Variants in ZNF254 observed in about 807,000 individuals in gnomAD.
The protein encoded by ZNF254 is zinc finger protein 254, also known as CTD-2017D11.1.
A neutral mutation model predicts 12.4 loss-of-function variants in ZNF254; 10 were observed. The observed-to-expected ratio is 0.80, with a 90% confidence interval of 0.50 to 1.36. The LOEUF (loss-of-function observed/expected upper bound fraction) is 1.36. ZNF254 is among the 40% of genes most tolerant of loss of function. The probability of loss-of-function intolerance (pLI) is 0.00; values close to 1 mark genes in which losing one functional copy is unlikely to be tolerated. For missense variants in ZNF254, 996 were observed against 763.9 expected (o/e 1.30, Z -3.58); for synonymous variants, 305 against 253.4 (o/e 1.20, Z -1.93).
At chr19:24,047,408 T>G (rs1371587272) in intron 2 of ZNF254, among the ~76,000 whole-genome samples, 2 of 151,632 alleles carry the variant, frequency 1.3e-5, no homozygotes, top group Non-Finnish European at 2.9e-5. Context: ...TCCTACTACA[T>G]GAGCATGCCA....
At chr19:24,043,738 C>G in intron 1 of ZNF254, among the ~76,000 whole-genome samples, 1 of 107,910 alleles carries the variant, frequency 9.3e-6, no homozygotes, top group East Asian at 2.0e-4. Flanking sequence ...AAATGTTCTA[C>G]TCTCCAACTT....
intron 3 of ZNF254, among the ~76,000 whole-genome samples, chr19:24,118,788 T>C (rs543803429): frequency 1.3e-5 from 2 of 152,086 alleles, no homozygotes; most frequent in African/African-American, 4.8e-5. Context: ...ATTATTGTCA[T>C]GTGTTTCCCC....
intron 2 of ZNF254, among the ~76,000 whole-genome samples, chr19:24,061,771 A>G (rs1474103120): frequency 6.6e-6 from 1 of 152,134 alleles, no homozygotes; most frequent in Non-Finnish European, 1.5e-5. Flanking sequence ...TGTCTCTCAC[A>G]GGTAGGCTTA....
At position 24,087,213 on chromosome 19, in the gene ZNF254, T is replaced by C. The variant is rs1972075161; in HGVS notation, c.-95T>C. 9.0e-6 allele frequency: 14 copies of C among 1,555,176 alleles called. No homozygotes were observed. Among genetic ancestry groups the C allele is most frequent in the Non-Finnish European group, 1.2e-5 (14 of 1,129,790 alleles). On this transcript the variant is annotated 5_prime_UTR_variant, in exon 1 of 4. Coordinates refer to ENST00000357002, the MANE Select transcript of ZNF254 (RefSeq NM_203282.4). ...CCTTTGTCTCTCGCTGTCGCCGGAG[T>C]CCCAGGTCTGTCTTCACTGCTCTGT...
chr19:24,118,420 G>A (rs1047994106), intron 3 of ZNF254, among the ~76,000 whole-genome samples: 1 of 152,066 alleles, frequency 6.6e-6, no homozygotes, highest in Non-Finnish European at 1.5e-5. Context: ...TTAAATGGAT[G>A]TGATGGATTT....
chr19:24,107,362 T>G (rs1397289006), intron 3 of ZNF254: 6 of 423,362 alleles, frequency 1.4e-5, no homozygotes, highest in Non-Finnish European at 2.1e-5. Flanking sequence ...ATTAGTGTCC[T>G]CTCTAATTTT....
chr19:24,063,571 T>C (rs1056666008), intron 2 of ZNF254, among the ~76,000 whole-genome samples: 4 of 152,132 alleles, frequency 2.6e-5, no homozygotes, highest in African/African-American at 9.7e-5. Context: ...TAACACTTCA[T>C]CCTGGACCGG....
intron 2 of ZNF254, among the ~76,000 whole-genome samples, chr19:24,076,195 A>G (rs543476403): frequency 1.3e-5 from 2 of 152,338 alleles, no homozygotes; most frequent in East Asian, 3.9e-4. Flanking sequence ...TTATAAGAAT[A>G]TTGATTGGGG....
Position 24,115,545 on chromosome 19 carries a change from G to A in ZNF254, c.253+8902G>A, listed in dbSNP as rs377219928. Among the ~76,000 whole-genome samples the A allele has an allele frequency of 2.9e-4, 42 of 143,764 alleles. No individual in the cohort carries two copies. The East Asian group carries it at 8.9e-3, about 30-fold the overall frequency. 94.3% of individuals were successfully genotyped at this position (143,764 alleles called of 152,430 possible). A position where few individuals can be genotyped will look rare whatever the true frequency, so the allele number is the denominator to read the frequency against. ...GATGTGGGATGGGGGGATGGGGGAGGGATAGCATTGGGAGATATACCTAGT... is the reference window on the plus strand; with the variant it reads ...GATGTGGGATGGGGGGATGGGGGAGAGATAGCATTGGGAGATATACCTAGT... On this transcript the variant is annotated intron_variant, in intron 3 of 3. Coordinates refer to ENST00000357002, the MANE Select transcript of ZNF254 (RefSeq NM_203282.4).
intron 3 of ZNF254, among the ~76,000 whole-genome samples, chr19:24,122,463 G>C (rs1163724937): frequency 6.6e-6 from 1 of 152,114 alleles, no homozygotes; most frequent in South Asian, 2.1e-4. Flanking sequence ...GACCTTAGGT[G>C]ATCCACCCGC....
intron 3 of ZNF254, among the ~76,000 whole-genome samples, chr19:24,116,921 C>A (rs985803875): frequency 2.6e-5 from 4 of 152,106 alleles, no homozygotes; most frequent in Non-Finnish European, 1.5e-5. Flanking sequence ...CAGACAGGAC[C>A]CTCAGCTGCA....
intron 1 of ZNF254, chr19:24,091,901 A>C: frequency 1.2e-6 from 1 of 850,422 alleles, no homozygotes; most frequent in Non-Finnish European, 1.4e-6. Context: ...TTTTTTTGAG[A>C]TGGAGTCTCG....
chr19:24,046,373 T>TATATATATACATATA (rs1555750839), intron 2 of ZNF254: 2 of 95,508 alleles, frequency 2.1e-5, no homozygotes, highest in African/African-American at 8.5e-5. Context: ...TTATTATTTT[T>TATATATATACATATA]TATATATATA....
chr19:24,120,068 T>C (rs894880842), intron 3 of ZNF254, among the ~76,000 whole-genome samples: 4 of 152,130 alleles, frequency 2.6e-5, no homozygotes, highest in African/African-American at 9.6e-5. Flanking sequence ...TTGGTCACAG[T>C]TTCATGTGAC....
At chr19:24,061,700 G>C (rs774519656) in intron 2 of ZNF254, among the ~76,000 whole-genome samples, 1 of 152,048 alleles carries the variant, frequency 6.6e-6, no homozygotes, top group Non-Finnish European at 1.5e-5. Flanking sequence ...CATATATCTC[G>C]GCCCAGCTCA....
chr19:24,105,587 T>A (rs942304600), intron 1 of ZNF254: 2 of 236,990 alleles, frequency 8.4e-6, no homozygotes, highest in Non-Finnish European at 1.7e-5. Flanking sequence ...CTATTTTGTC[T>A]GAAAAATATA....
chr19:24,090,296 A>T (rs1365427190), intron 1 of ZNF254, among the ~76,000 whole-genome samples: 3 of 150,644 alleles, frequency 2.0e-5, no homozygotes, highest in Admixed American at 2.0e-4. Flanking sequence ...CATAGTTCAG[A>T]GTCTCCTGAG....
rs139304540 is a variant in ZNF254 at position 24,070,244 on chromosome 19, C to T, written c.-94+23965C>T. Among the ~76,000 whole-genome samples, 453 of 152,280 alleles carry T rather than the reference C, an allele frequency of 3.0e-3. 1 individual carries two copies. The highest frequency in any genetic ancestry group is 0.011 in the African/African-American group (438 of 41,548). Reference sequence around the variant, plus strand: ...ATCACAAATGTCTTAGAGTGGATTGCGACTCACATGCATATTGCATAAAGT... The same window carrying T: ...ATCACAAATGTCTTAGAGTGGATTGTGACTCACATGCATATTGCATAAAGT... On this transcript the variant is annotated intron_variant, in intron 2 of 4. Transcript: ENST00000613065.
At chr19:24,073,633 G>T (rs560488813) in intron 2 of ZNF254, among the ~76,000 whole-genome samples, 1 of 152,212 alleles carries the variant, frequency 6.6e-6, no homozygotes, top group East Asian at 1.9e-4. Context: ...CCAAAAGCTG[G>T]AAAATTGACT....
Sources: allele counts gnomAD v4.1 joint callset (sites outside exome capture counted in the v4.1 genomes callset), GRCh38; gene constraint gnomAD v4.1.1; transcripts MANE v1.5; gene names NCBI Gene and HGNC (gene_info 2026-07-23, HGNC 2026-07-21).